SDK1: variants seen among roughly 807,000 people sequenced by gnomAD.
The protein encoded by SDK1 is sidekick cell adhesion molecule 1, also known as protein sidekick-1.
Under a neutral mutation model 245.5 loss-of-function variants are expected in SDK1, and 157 were observed. The observed-to-expected ratio is 0.64, with a 90% CI of 0.56 to 0.73. The LOEUF is 0.73. Among genes scored for constraint, SDK1 ranks in the 30% least tolerant of loss-of-function variants. The pLI, the probability that SDK1 is intolerant of heterozygous loss-of-function variation, is 0.00. For synonymous variants in SDK1, 1,647 were observed against 1,278.5 expected (o/e 1.29, Z -6.15); for missense variants, 3,583 against 3,002.3 (o/e 1.19, Z -4.52).
At chr7:4,081,084 G>A (rs889689876) in intron 22 of SDK1, among the ~76,000 whole-genome samples, 4 of 152,202 alleles carry the variant, frequency 2.6e-5, no homozygotes, top group Non-Finnish European at 4.4e-5. Flanking sequence ...TGACGATGCC[G>A]CATAGCTGAG....
intron 1 of SDK1, among the ~76,000 whole-genome samples, chr7:3,470,736 A>G (rs1004259010): frequency 2.0e-5 from 3 of 152,178 alleles, no homozygotes; most frequent in South Asian, 2.1e-4. Context: ...CAGTTTTCCA[A>G]ATTCCTTTTC....
intron 1 of SDK1, among the ~76,000 whole-genome samples, chr7:3,587,968 T>C (rs949170390): frequency 1.3e-5 from 2 of 152,266 alleles, no homozygotes; most frequent in African/African-American, 4.8e-5. Context: ...CTTATGTCTA[T>C]GCCAATACAG....
intron 27 of SDK1, chr7:4,130,427 C>T (rs1437954244): frequency 3.0e-6 from 1 of 329,120 alleles, no homozygotes; most frequent in Non-Finnish European, 5.6e-6. Flanking sequence ...AGGGGCTCCA[C>T]ACACTTCGTG....
chr7:3,828,534 T>C (rs1779833563), intron 5 of SDK1, among the ~76,000 whole-genome samples: 2 of 151,892 alleles, frequency 1.3e-5, no homozygotes, highest in Non-Finnish European at 2.9e-5. Flanking sequence ...CTTTAAAAAA[T>C]TAATTGAATG....
chr7:4,036,522 G>A (rs559549836), intron 17 of SDK1, among the ~76,000 whole-genome samples: 28 of 152,240 alleles, frequency 1.8e-4, no homozygotes, highest in Non-Finnish European at 3.1e-4. Flanking sequence ...TTTTAACACC[G>A]TAACATAGTT....
rs777957562 is a variant in SDK1, at chr7:3,370,818, C to T, written c.298+68934C>T. 4.6e-5 allele frequency among the ~76,000 whole-genome samples: 7 copies of T among 152,152 alleles called. No homozygotes were observed. The South Asian group carries it at 8.3e-4, about 18-fold the overall frequency. ...TGCATAGCTTTGGGAGGCCTTGGGT[C>T]ATGCTGAGTGGTCCAAGTTTGTCAT... On this transcript the variant is annotated intron_variant, in intron 1 of 44. Coordinates refer to ENST00000404826, the MANE Select transcript of SDK1 (RefSeq NM_152744.4).
intron 4 of SDK1, among the ~76,000 whole-genome samples, chr7:3,705,199 G>C (rs1157540766): frequency 6.6e-6 from 1 of 151,766 alleles, no homozygotes; most frequent in Admixed American, 6.6e-5. Flanking sequence ...ATGAATTTTA[G>C]TATTTTTTTT....
At chr7:3,680,391 T>G (rs1179325838) in intron 4 of SDK1, among the ~76,000 whole-genome samples, 1 of 152,108 alleles carries the variant, frequency 6.6e-6, no homozygotes, top group Non-Finnish European at 1.5e-5. Flanking sequence ...GTCTGTGTGT[T>G]GATTGTAGTG....
intron 1 of SDK1, among the ~76,000 whole-genome samples, chr7:3,321,087 T>G (rs529325915): frequency 1.3e-5 from 2 of 152,332 alleles, no homozygotes; most frequent in East Asian, 1.9e-4. Context: ...TTAAGATATT[T>G]CAGGGCTTAT....
intron 1 of SDK1, among the ~76,000 whole-genome samples, chr7:3,403,824 CATATAT>C (rs10650660): frequency 0.034 from 2,077 of 60,422 alleles, 33 homozygotes; most frequent in Middle Eastern, 0.13. Context: ...AAATATCTTA[CATATAT>C]ATATATATAT....
At chr7:4,191,439 A>G (rs1783203084) in intron 35 of SDK1, among the ~76,000 whole-genome samples, 1 of 152,236 alleles carries the variant, frequency 6.6e-6, no homozygotes, top group South Asian at 2.1e-4. Flanking sequence ...GCATTTGGAA[A>G]GGCTCCCTCA....
chr7:4,210,284 G>C (rs566305996), intron 38 of SDK1, 122 bp downstream of exon 38: 4 of 1,075,764 alleles, frequency 3.7e-6, no homozygotes, highest in African/African-American at 1.7e-5. Context: ...CGCCTGAAGT[G>C]GGGGGTTTTG....
chr7:3,353,699 T>C (rs1283057230), intron 1 of SDK1, among the ~76,000 whole-genome samples: 1 of 152,178 alleles, frequency 6.6e-6, no homozygotes, highest in African/African-American at 2.4e-5. Context: ...ATAGAAACTA[T>C]TGATGACTCG....
chr7:3,933,825 A>C (rs1780063381), intron 5 of SDK1, among the ~76,000 whole-genome samples: 1 of 152,198 alleles, frequency 6.6e-6, no homozygotes, highest in Non-Finnish European at 1.5e-5. Flanking sequence ...ATATGAAAAA[A>C]TAAAAAGGGG....
chr7:3,509,577 C>G (rs1012476256), intron 1 of SDK1, among the ~76,000 whole-genome samples: 10 of 152,160 alleles, frequency 6.6e-5, no homozygotes, highest in Admixed American at 5.2e-4. Context: ...AAGTGAGACC[C>G]AAATAGCTGA....
At chr7:3,870,993 G>A (rs974443958) in intron 5 of SDK1, among the ~76,000 whole-genome samples, 2 of 152,166 alleles carry the variant, frequency 1.3e-5, no homozygotes. Flanking sequence ...CAAATTGGAC[G>A]AAGTTGACAT....
At chr7:3,848,556 C>G (rs11977993) in intron 5 of SDK1, among the ~76,000 whole-genome samples, 35,699 of 152,054 alleles carry the variant, frequency 0.23, 4,518 homozygotes, top group Middle Eastern at 0.37. Context: ...AAGTTGATTC[C>G]CTTAAAACTG....
intron 1 of SDK1, among the ~76,000 whole-genome samples, chr7:3,408,700 A>G (rs933610876): frequency 6.6e-6 from 1 of 152,038 alleles, no homozygotes; most frequent in Non-Finnish European, 1.5e-5. Context: ...TTTATTTTTT[A>G]TATGTTGGAC....
chr7:3,872,464 T>C (rs1780980805), intron 5 of SDK1, among the ~76,000 whole-genome samples: 1 of 152,042 alleles, frequency 6.6e-6, no homozygotes, highest in South Asian at 2.1e-4. Context: ...TTAATACATA[T>C]AAGACTATTC....
Sources: allele counts gnomAD v4.1 joint callset (sites outside exome capture counted in the v4.1 genomes callset), GRCh38; gene constraint gnomAD v4.1.1; transcripts MANE v1.5; gene names NCBI Gene and HGNC (gene_info 2026-07-23, HGNC 2026-07-21).